The following SEMA6D variants were observed in gnomAD, a reference collection of about 807,000 sequenced individuals.
SEMA6D encodes semaphorin 6D.
A neutral mutation model predicts 106.6 loss-of-function variants in SEMA6D; 35 were observed. The observed-to-expected ratio is 0.33, with a 90% CI of 0.25 to 0.44. The LOEUF is 0.44. Among genes scored for constraint, SEMA6D ranks in the 20% least tolerant of loss-of-function variants. SEMA6D has a pLI of 1.00. For missense variants in SEMA6D, 1,185 were observed against 1,345.9 expected (o/e 0.88, Z 1.87); for synonymous variants, 499 against 487.7 (o/e 1.02, Z -0.31).
At chr15:47,749,853 C>A (rs982607502) in intron 1 of SEMA6D, among the ~76,000 whole-genome samples, 3 of 151,992 alleles carry the variant, frequency 2.0e-5, no homozygotes, top group Non-Finnish European at 4.4e-5. Context: ...AACGGGCAAG[C>A]ATGTTAAGAC....
Position 47,773,154 on chromosome 15 carries a change from A to T in SEMA6D, c.*1369A>T, listed in dbSNP as rs1030176306. The T allele has an allele frequency of 6.6e-5, 10 of 152,646 alleles. No homozygotes were observed. Among genetic ancestry groups the T allele is most frequent in the African/African-American group, 2.4e-4 (10 of 41,452 alleles). The allele number at this position is 152,646 out of a possible 1,614,324, so 9.5% of individuals were successfully genotyped here. A position where few individuals can be genotyped will look rare whatever the true frequency, so the allele number is the denominator to read the frequency against. ...TATAGCACATTATTTACTGAGTGCC[A>T]GTTGTAAATGTTTTTCAACCAGCAC... On this transcript the variant is annotated 3_prime_UTR_variant, in exon 19 of 19. Transcript: ENST00000536845.
At chr15:47,661,853 A>G (rs1169775766) in intron 4 of SEMA6D, among the ~76,000 whole-genome samples, 1 of 152,368 alleles carries the variant, frequency 6.6e-6, no homozygotes, top group South Asian at 2.1e-4. Flanking sequence ...TATTTCAGTT[A>G]TTCAAACACT....
chr15:47,559,738 A>G (rs1047089346), intron 3 of SEMA6D, among the ~76,000 whole-genome samples: 8 of 152,130 alleles, frequency 5.3e-5, no homozygotes, highest in African/African-American at 1.7e-4. Flanking sequence ...GCCACCCAAA[A>G]ATACCAGGTC....
rs71118191 is a variant in SEMA6D, at chr15:47,657,719, C to CTTTTTTTTTTTTTT, written c.-55+56850_-55+56863dup. Among the ~76,000 whole-genome samples the CTTTTTTTTTTTTTT allele has an allele frequency of 1.8e-4, 10 of 54,676 alleles. 2 individuals carry two copies. The highest frequency in any genetic ancestry group is 5.5e-4 in the East Asian group (1 of 1,808). 35.9% of individuals were successfully genotyped at this position (54,676 alleles called of 152,430 possible). On this transcript the variant is annotated intron_variant, in intron 4 of 19. Coordinates refer to the SEMA6D transcript ENST00000558014. The stretch of plus-strand genomic sequence containing the variant: ...CATTTAGTGACAGAGGGCTTCATTT[C>CTTTTTTTTTTTTTT]TTTTTTTTTTTTTTTTTTTTTTTTT...
At chr15:47,732,050 T>G (rs2080161443) in intron 1 of SEMA6D, among the ~76,000 whole-genome samples, 1 of 152,180 alleles carries the variant, frequency 6.6e-6, no homozygotes, top group South Asian at 2.1e-4. Context: ...GAAAATATTC[T>G]TAAAGAGATG....
chr15:47,730,086 G>A (rs1185369104), intron 1 of SEMA6D: 6 of 779,144 alleles, frequency 7.7e-6, no homozygotes, highest in African/African-American at 3.5e-5. Context: ...TAGTTTTGAA[G>A]GAAAATTTAT....
intron 1 of SEMA6D, among the ~76,000 whole-genome samples, chr15:47,735,841 A>T (rs1296676031): frequency 6.6e-6 from 1 of 152,210 alleles, no homozygotes; most frequent in Non-Finnish European, 1.5e-5. Context: ...GCCAATTAAG[A>T]TCAAACCTAT....
intron 1 of SEMA6D, among the ~76,000 whole-genome samples, chr15:47,324,160 A>G (rs1371045795): frequency 6.6e-6 from 1 of 152,190 alleles, no homozygotes; most frequent in Non-Finnish European, 1.5e-5. Flanking sequence ...AAACAAATCT[A>G]AAGACCAAAC....
chr15:47,477,306 A>G (rs1261970777), intron 3 of SEMA6D, among the ~76,000 whole-genome samples: 3 of 152,168 alleles, frequency 2.0e-5, no homozygotes, highest in African/African-American at 7.2e-5. Flanking sequence ...GTGCTCATAC[A>G]CATTACCTTC....
intron 1 of SEMA6D, among the ~76,000 whole-genome samples, chr15:47,382,593 A>G (rs532830636): frequency 2.0e-5 from 3 of 152,376 alleles, no homozygotes; most frequent in African/African-American, 7.2e-5. Context: ...AAACATATAT[A>G]GAACTGTATA....
At chr15:47,654,811 C>T (rs759883868) in intron 4 of SEMA6D, among the ~76,000 whole-genome samples, 23 of 152,224 alleles carry the variant, frequency 1.5e-4, no homozygotes, top group Admixed American at 3.9e-4. Context: ...GAGGTTTCTC[C>T]AGAAGCTGAG....
In SEMA6D at chr15:47,629,950, T is replaced by C. The variant is rs574283912; in HGVS notation, c.-55+29054T>C. On this transcript the variant is annotated intron_variant, in intron 4 of 19. Coordinates refer to the SEMA6D transcript ENST00000558014. ...CACATTTTCTTTATCCATTCATTAA[T>C]TGATGGACATTTAGGTTAATTCCGT... Among the ~76,000 whole-genome samples the C allele has an allele frequency of 8.5e-5, 13 of 152,148 alleles. No homozygotes were observed. The South Asian group carries it at 2.3e-3, about 27-fold the overall frequency.
intron 1 of SEMA6D, among the ~76,000 whole-genome samples, chr15:47,737,734 G>C (rs181852306): frequency 6.6e-6 from 1 of 151,890 alleles, no homozygotes; most frequent in African/African-American, 2.4e-5. Context: ...AATAAGTTTC[G>C]TTTTTTTCCT....
At chr15:47,576,139 C>T (rs1450734533) in intron 3 of SEMA6D, among the ~76,000 whole-genome samples, 1 of 152,166 alleles carries the variant, frequency 6.6e-6, no homozygotes, top group Non-Finnish European at 1.5e-5. Context: ...GTATTGCCTG[C>T]ACTTAATTTT....
intron 1 of SEMA6D, among the ~76,000 whole-genome samples, chr15:47,297,946 A>C (rs1713882289): frequency 6.6e-6 from 1 of 152,152 alleles, no homozygotes; most frequent in Admixed American, 6.5e-5. Flanking sequence ...GAAATGAGGG[A>C]TAGAGGAGTT....
At chr15:47,345,847 T>C (rs566901) in intron 1 of SEMA6D, among the ~76,000 whole-genome samples, 151,589 of 152,282 alleles carry the variant, frequency 1, 75,452 homozygotes, top group Middle Eastern at 1. Context: ...GTGGGGGTGG[T>C]ACAAGGAAAC....
At chr15:47,235,938 C>G (rs532903364) in intron 1 of SEMA6D, among the ~76,000 whole-genome samples, 1 of 152,130 alleles carries the variant, frequency 6.6e-6, no homozygotes, top group African/African-American at 2.4e-5. Flanking sequence ...TTGTTACATT[C>G]TGCTCCCTCA....
At chr15:47,348,387 C>T (rs2038131091) in intron 1 of SEMA6D, among the ~76,000 whole-genome samples, 1 of 152,094 alleles carries the variant, frequency 6.6e-6, no homozygotes, top group African/African-American at 2.4e-5. Context: ...ATATATAAAA[C>T]TCTCAGAACA....
chr15:47,669,316 T>C (rs2078094671), intron 4 of SEMA6D, among the ~76,000 whole-genome samples: 1 of 152,236 alleles, frequency 6.6e-6, no homozygotes, highest in African/African-American at 2.4e-5. Context: ...CATGGAGTTG[T>C]TTATAAGTCT....
Sources: gnomAD v4.1 joint callset for allele counts (sites outside exome capture counted in the v4.1 genomes callset) on GRCh38, gnomAD v4.1.1 for gene constraint, MANE v1.5 for transcripts, NCBI Gene and HGNC (gene_info 2026-07-23, HGNC 2026-07-21) for gene names.